Variants in THADA observed in about 807,000 individuals in gnomAD.
THADA encodes THADA armadillo repeat containing, also known as tRNA (32-2'-O)-methyltransferase regulator THADA.
A neutral mutation model predicts 219.8 loss-of-function variants in THADA; 213 were observed. That is an observed-to-expected ratio of 0.97 (90% CI 0.87 to 1.09). The LOEUF (loss-of-function observed/expected upper bound fraction) is 1.09. THADA is among the 50% of genes least tolerant of loss of function. The pLI, the probability that THADA is intolerant of heterozygous loss-of-function variation, is 0.00. For synonymous variants in THADA, 1,018 were observed against 828.9 expected (o/e 1.23, Z -3.92); for missense variants, 2,956 against 2,311.3 (o/e 1.28, Z -5.72).
intron 22 of THADA, among the ~76,000 whole-genome samples, chr2:43,514,652 A>G (rs1460815546): frequency 2.2e-5 from 2 of 91,554 alleles, no homozygotes; most frequent in Non-Finnish European, 3.8e-5. Context: ...TATAATATAT[A>G]TATTGTATAT....
At chr2:43,356,767 A>C (rs938506596) in intron 29 of THADA, among the ~76,000 whole-genome samples, 2 of 152,182 alleles carry the variant, frequency 1.3e-5, no homozygotes, top group African/African-American at 4.8e-5. Context: ...AATAAACATA[A>C]GTTGAAAGAA....
chr2:43,414,245 AC>A (rs1204512173), intron 28 of THADA, among the ~76,000 whole-genome samples: 1 of 152,228 alleles, frequency 6.6e-6, no homozygotes, highest in Non-Finnish European at 1.5e-5. Flanking sequence ...AACACACATA[AC>A]CTAAAATTTA....
intron 1 of THADA, among the ~76,000 whole-genome samples, chr2:43,594,047 T>G (rs17031100): frequency 0.19 from 29,176 of 152,038 alleles, 2,896 homozygotes; most frequent in South Asian, 0.25. Context: ...CTGGGCTACC[T>G]TTTAAACAAA....
intron 36 of THADA, among the ~76,000 whole-genome samples, chr2:43,276,995 C>A (rs1293751060): frequency 6.6e-6 from 1 of 152,190 alleles, no homozygotes; most frequent in Admixed American, 6.5e-5. Context: ...TATTCTCATA[C>A]ATCAGTCCTC....
rs1669430184 is a variant in THADA at position 43,248,194 on chromosome 2, GAGAGAGAGAGAGAGAGAGAGAC to G, written c.5297-15334_5297-15313del. 3.0e-5 allele frequency among the ~76,000 whole-genome samples: 4 copies of G among 132,216 alleles called. No homozygotes were observed. The South Asian group carries it at 7.2e-4, about 24-fold the overall frequency. 86.7% of individuals were successfully genotyped at this position (132,216 alleles called of 152,430 possible). A position where few individuals can be genotyped will look rare whatever the true frequency, so the allele number is the denominator to read the frequency against. On this transcript the variant is annotated intron_variant, in intron 36 of 37. Transcript: ENST00000405975. The stretch of plus-strand genomic sequence containing the variant: ...AGAGAGAGAGAGAGAGAGAGAGAGA[GAGAGAGAGAGAGAGAGAGAGAC>G]AGAGAGAGAGAGAGACAGAGAGAGA...
At chr2:43,404,326 G>C (rs946903240) in intron 28 of THADA, among the ~76,000 whole-genome samples, 50 of 151,574 alleles carry the variant, frequency 3.3e-4, no homozygotes, top group African/African-American at 1.2e-3. Flanking sequence ...CTGAATAGCT[G>C]GGATTACGGT....
chr2:43,548,920 G>T (rs897328765), intron 20 of THADA, among the ~76,000 whole-genome samples: 1 of 152,180 alleles, frequency 6.6e-6, no homozygotes, highest in African/African-American at 2.4e-5. Context: ...GATGAACCCG[G>T]TACCTCAGAT....
At chr2:43,396,576 G>A (rs375051666) in intron 29 of THADA, among the ~76,000 whole-genome samples, 3 of 152,212 alleles carry the variant, frequency 2.0e-5, no homozygotes, top group South Asian at 2.1e-4. Flanking sequence ...TGAGGTGGGC[G>A]GATCACTTGA....
intron 9 of THADA, among the ~76,000 whole-genome samples, chr2:43,578,037 T>C (rs1410605980): frequency 3.3e-5 from 5 of 152,166 alleles, no homozygotes; most frequent in African/African-American, 1.2e-4. Flanking sequence ...TTTTTGTTAT[T>C]GTTGCTTTAT....
At chr2:43,537,115 T>C (rs928160447) in intron 21 of THADA, among the ~76,000 whole-genome samples, 3 of 152,238 alleles carry the variant, frequency 2.0e-5, no homozygotes, top group Admixed American at 2.0e-4. Context: ...CTACAGTGAT[T>C]TGTTACTAAC....
chr2:43,386,758 C>T (rs1672736541), intron 29 of THADA, among the ~76,000 whole-genome samples: 1 of 151,766 alleles, frequency 6.6e-6, no homozygotes, highest in Non-Finnish European at 1.5e-5. Context: ...TAGCCAGGTG[C>T]CAGTGGCGCG....
intron 21 of THADA, among the ~76,000 whole-genome samples, chr2:43,529,809 A>C (rs1693635370): frequency 6.6e-6 from 1 of 152,222 alleles, no homozygotes; most frequent in South Asian, 2.1e-4. Flanking sequence ...TATTCTGCAC[A>C]CATTAGAGAT....
At position 43,510,386 on chromosome 2, in the gene THADA, T is replaced by A. The variant is rs559097518; in HGVS notation, c.3375-1606A>T. Among the ~76,000 whole-genome samples, 5 of 152,272 alleles carry A rather than the reference T, an allele frequency of 3.3e-5. No individual in the cohort carries two copies. The East Asian group carries it at 9.6e-4, about 29-fold the overall frequency. ...TATACATATACACAAATACACACGT[T>A]TATGTGTTTGGAATTTTTCATAATG... On this transcript the variant is annotated intron_variant, in intron 22 of 37. Transcript: ENST00000405975.
chr2:43,427,500 A>AATTT (rs1553438517), intron 28 of THADA, among the ~76,000 whole-genome samples: 1 of 35,588 alleles, frequency 2.8e-5, no homozygotes, highest in Admixed American at 3.0e-4. Context: ...CCCCTCCCAA[A>AATTT]GTTTGTGTGT....
rs960513092 is a variant in THADA, at chr2:43,556,622, T to A, written c.2464-67A>T. The A allele has an allele frequency of 3.4e-6, 5 of 1,467,960 alleles. No homozygotes were observed. In the South Asian group the frequency reaches 3.9e-5, roughly 11 times the overall value. The allele number at this position is 1,467,960 out of a possible 1,614,324, so 90.9% of individuals were successfully genotyped here. On this transcript the variant is annotated intron_variant, in intron 16 of 37. Transcript: ENST00000405975. Reference sequence around the variant, plus strand: ...CTCTTTAATTTAAAAAAATAGTAAATTTTTTAAAACACAGCCTGGAGCTGA... The same window carrying A: ...CTCTTTAATTTAAAAAAATAGTAAAATTTTTAAAACACAGCCTGGAGCTGA...
At chr2:43,474,189 G>A (rs1488097955) in intron 26 of THADA, among the ~76,000 whole-genome samples, 1 of 152,174 alleles carries the variant, frequency 6.6e-6, no homozygotes, top group African/African-American at 2.4e-5. Flanking sequence ...TAGAGCAAAA[G>A]AAGGAAGAAA....
intron 22 of THADA, among the ~76,000 whole-genome samples, chr2:43,518,606 A>G (rs1692027121): frequency 1.3e-5 from 2 of 152,248 alleles, no homozygotes; most frequent in Non-Finnish European, 1.5e-5. Context: ...CGAGGTTTGT[A>G]CACTTATGAA....
chr2:43,286,129 G>T (rs1673971735), intron 35 of THADA, among the ~76,000 whole-genome samples: 1 of 152,190 alleles, frequency 6.6e-6, no homozygotes, highest in East Asian at 1.9e-4. Flanking sequence ...AGAGGGGACA[G>T]TTAGGCTGTT....
chr2:43,442,568 A>G (rs1382351305), intron 26 of THADA, among the ~76,000 whole-genome samples: 2 of 152,216 alleles, frequency 1.3e-5, no homozygotes, highest in Non-Finnish European at 2.9e-5. Context: ...AGAGGACTTC[A>G]TGACGAAAGA....
Sources: gnomAD v4.1 joint callset for allele counts (sites outside exome capture counted in the v4.1 genomes callset) on GRCh38, gnomAD v4.1.1 for gene constraint, MANE v1.5 for transcripts, NCBI Gene and HGNC (gene_info 2026-07-23, HGNC 2026-07-21) for gene names.